FGF14: variants seen among roughly 807,000 people sequenced by gnomAD.
The protein encoded by FGF14 is fibroblast growth factor homologous factor 4.
In FGF14, 5 loss-of-function variants were observed where a neutral mutation model predicts 25.5. The ratio of observed to expected loss-of-function variants is 0.20; its 90% CI spans 0.10 to 0.41. The LOEUF (loss-of-function observed/expected upper bound fraction) is 0.41. Ranked by LOEUF, FGF14 falls within the 10% of genes least tolerant of loss-of-function variation. The pLI is 1.00. For synonymous variants in FGF14, 138 were observed against 118.3 expected (o/e 1.17, Z -1.08); for missense variants, 222 against 320.1 (o/e 0.69, Z 2.34).
intron 1 of FGF14, among the ~76,000 whole-genome samples, chr13:102,397,844 C>G (rs1468017860): frequency 2.0e-5 from 3 of 152,136 alleles, no homozygotes; most frequent in Non-Finnish European, 2.9e-5. Flanking sequence ...TTAAAGAAAC[C>G]TATGAAGCCT....
chr13:102,091,245 T>C (rs7335592), intron 1 of FGF14, among the ~76,000 whole-genome samples: 42,820 of 152,054 alleles, frequency 0.28, 8,321 homozygotes, highest in African/African-American at 0.52. Context: ...GTTCTAAACT[T>C]GCACTTCTAT....
intron 1 of FGF14, among the ~76,000 whole-genome samples, chr13:102,294,813 C>A (rs2054614798): frequency 1.3e-5 from 2 of 152,164 alleles, no homozygotes; most frequent in South Asian, 2.1e-4. Flanking sequence ...ATCTGTGTGA[C>A]CTCTATCAAA....
chr13:102,005,962 T>C (rs772686298), intron 1 of FGF14, among the ~76,000 whole-genome samples: 11 of 152,220 alleles, frequency 7.2e-5, no homozygotes, highest in Non-Finnish European at 1.5e-4. Flanking sequence ...TGTATTGTAC[T>C]TGTAATAAAT....
At chr13:102,084,627 T>C (rs114664391) in intron 1 of FGF14, among the ~76,000 whole-genome samples, 1,682 of 151,286 alleles carry the variant, frequency 0.011, 28 homozygotes, top group African/African-American at 0.039. Context: ...ATAACACTAA[T>C]ACAAATTATA....
Position 102,370,091 on chromosome 13 carries a change from A to C in FGF14, c.208+31380T>G, listed in dbSNP as rs1285707754. ...ACTGCACCCTCAACTACCCAGGCTC[A>C]AATAATGCTCCTACCTCAGCCTCCT... is the stretch of plus-strand genomic sequence containing the variant. On this transcript the variant is annotated intron_variant, in intron 1 of 4. Coordinates refer to the FGF14 transcript ENST00000376131. Among the ~76,000 whole-genome samples the C allele has an allele frequency of 2.0e-5, 3 of 152,144 alleles. No homozygotes were observed. The East Asian group carries it at 5.8e-4, about 29-fold the overall frequency.
chr13:102,375,410 A>C (rs1443924637), intron 1 of FGF14, among the ~76,000 whole-genome samples: 3 of 152,200 alleles, frequency 2.0e-5, no homozygotes, highest in Admixed American at 6.6e-5. Flanking sequence ...AAATGTTTTA[A>C]CTGAAAGCAT....
At chr13:101,837,417 T>TA (rs1323538497) in intron 3 of FGF14, among the ~76,000 whole-genome samples, 1 of 152,128 alleles carries the variant, frequency 6.6e-6, no homozygotes, top group Non-Finnish European at 1.5e-5. Context: ...CTTGAAAAGA[T>TA]AAGGTTTGTT....
intron 1 of FGF14, among the ~76,000 whole-genome samples, chr13:102,377,199 A>C (rs2058061541): frequency 6.6e-6 from 1 of 152,132 alleles, no homozygotes; most frequent in Non-Finnish European, 1.5e-5. Flanking sequence ...AGGACAGGCT[A>C]TTTATAGTGT....
At chr13:102,115,175 T>C (rs866825607) in intron 1 of FGF14, among the ~76,000 whole-genome samples, 4 of 152,144 alleles carry the variant, frequency 2.6e-5, no homozygotes, top group Admixed American at 2.0e-4. Context: ...ATGGGATCAA[T>C]AGAAGCCTTC....
chr13:101,767,568 C>T (rs1177765630), intron 3 of FGF14, among the ~76,000 whole-genome samples: 1 of 152,118 alleles, frequency 6.6e-6, no homozygotes, highest in South Asian at 2.1e-4. Flanking sequence ...TAAACCCATG[C>T]AATATTTTAC....
intron 1 of FGF14, among the ~76,000 whole-genome samples, chr13:102,250,982 A>G (rs1283786606): frequency 6.6e-6 from 1 of 152,172 alleles, no homozygotes; most frequent in Non-Finnish European, 1.5e-5. Flanking sequence ...ACATACACGA[A>G]TTTTCTGGAT....
chr13:102,108,960 A>T (rs2045073172), intron 1 of FGF14, among the ~76,000 whole-genome samples: 1 of 145,928 alleles, frequency 6.9e-6, no homozygotes, highest in African/African-American at 2.6e-5. Flanking sequence ...TTAGATCACT[A>T]ACAAGGAAAA....
At chr13:102,173,158 A>G (rs1180120152) in intron 1 of FGF14, among the ~76,000 whole-genome samples, 1 of 152,138 alleles carries the variant, frequency 6.6e-6, no homozygotes, top group Non-Finnish European at 1.5e-5. Context: ...AAAATAATAA[A>G]CTGACTTAAA....
At chr13:102,052,689 T>A (rs2042267186) in intron 1 of FGF14, among the ~76,000 whole-genome samples, 1 of 151,898 alleles carries the variant, frequency 6.6e-6, no homozygotes, top group Admixed American at 6.6e-5. Flanking sequence ...AGCAAATATG[T>A]CCTTCAGAAA....
intron 1 of FGF14, among the ~76,000 whole-genome samples, chr13:102,330,340 A>G (rs1424796233): frequency 6.6e-6 from 1 of 152,148 alleles, no homozygotes; most frequent in Non-Finnish European, 1.5e-5. Context: ...CTCTGTTCTT[A>G]TCTATGATCA....
At chr13:102,238,346 C>A (rs2051424590) in intron 1 of FGF14, among the ~76,000 whole-genome samples, 1 of 152,184 alleles carries the variant, frequency 6.6e-6, no homozygotes, top group South Asian at 2.1e-4. Context: ...ATGTTTCCAT[C>A]TTCTGTCCTG....
intron 1 of FGF14, among the ~76,000 whole-genome samples, chr13:102,366,133 T>C (rs1417803639): frequency 6.6e-6 from 1 of 152,130 alleles, no homozygotes; most frequent in African/African-American, 2.4e-5. Context: ...ACAGCGATAT[T>C]AAGAGAATGT....
chr13:102,183,458 G>C (rs1373593292), intron 1 of FGF14, among the ~76,000 whole-genome samples: 1 of 152,138 alleles, frequency 6.6e-6, no homozygotes, highest in Admixed American at 6.5e-5. Context: ...CTGCCATATA[G>C]ACTAGTTAAC....
At chr13:102,067,688 C>A (rs2042959981) in intron 1 of FGF14, among the ~76,000 whole-genome samples, 1 of 150,584 alleles carries the variant, frequency 6.6e-6, no homozygotes. Flanking sequence ...CTAGTACTTA[C>A]TGGCCTTAAA....
Sources: allele counts gnomAD v4.1 joint callset (sites outside exome capture counted in the v4.1 genomes callset), GRCh38; gene constraint gnomAD v4.1.1; transcripts MANE v1.5; gene names NCBI Gene and HGNC (gene_info 2026-07-23, HGNC 2026-07-21).